CNBD1: variants seen among roughly 807,000 people sequenced by gnomAD.
CNBD1 encodes the protein cyclic nucleotide binding domain containing 1, also known as cyclic nucleotide-binding domain-containing protein 1.
CNBD1 carries 71 observed loss-of-function variants against 54.4 expected under a neutral mutation model. The ratio of observed to expected loss-of-function variants is 1.30; its 90% CI spans 1.08 to 1.59. The LOEUF (loss-of-function observed/expected upper bound fraction) is 1.59, where lower values mean the gene tolerates loss of function less well. CNBD1 is among the 40% of genes most tolerant of loss of function. The probability of loss-of-function intolerance (pLI) is 0.00; values close to 1 mark genes in which losing one functional copy is unlikely to be tolerated. For synonymous variants in CNBD1, 182 were observed against 170.7 expected, an observed-to-expected ratio of 1.07 and a Z score of -0.51; for missense variants, 659 against 518.0, an observed-to-expected ratio of 1.27 and a Z score of -2.64.
rs1326068769 is a variant in CNBD1, at chr8:87,182,963, T to C, written c.432-23030T>C. On this transcript the variant is annotated intron_variant, in intron 4 of 10. Transcript: ENST00000518476. The surrounding 1 kb of genome is among the most constrained non-coding windows in gnomAD (Gnocchi z 4.1). ...ACAATTGCTTTTGGAGACTTTGACATGAAATTTTTGCTAAGTCCTATGTTC... is the reference window on the plus strand; with the variant it reads ...ACAATTGCTTTTGGAGACTTTGACACGAAATTTTTGCTAAGTCCTATGTTC... Among the ~76,000 whole-genome samples the C allele has an allele frequency of 6.6e-6, 1 of 152,192 alleles. No homozygotes were observed. The highest frequency in any genetic ancestry group is 1.5e-5 in the Non-Finnish European group (1 of 68,030).
intron 5 of CNBD1, among the ~76,000 whole-genome samples, chr8:87,221,198 C>A (rs1287648852): frequency 6.6e-6 from 1 of 152,128 alleles, no homozygotes; most frequent in Non-Finnish European, 1.5e-5. Flanking sequence ...AGTCAGCCAT[C>A]TTAAACCAGT....
intron 1 of CNBD1, among the ~76,000 whole-genome samples, chr8:86,878,249 G>T (rs1282908761): frequency 6.6e-6 from 1 of 151,936 alleles, no homozygotes; most frequent in Non-Finnish European, 1.5e-5. Context: ...TTCCCTTAGA[G>T]CATATTGTGC....
intron 10 of CNBD1, among the ~76,000 whole-genome samples, chr8:87,370,748 A>C (rs2130947600): frequency 6.8e-6 from 1 of 147,666 alleles, no homozygotes; most frequent in South Asian, 2.1e-4. Context: ...CCCATTTGTC[A>C]ATTTTGTCTT....
chr8:86,963,936 A>G (rs1808004569), intron 4 of CNBD1, among the ~76,000 whole-genome samples: 1 of 152,162 alleles, frequency 6.6e-6, no homozygotes, highest in African/African-American at 2.4e-5. Flanking sequence ...CCAATGATCT[A>G]CATTTGCAGC....
At position 87,411,511 on chromosome 8, in the gene CNBD1, A is replaced by G. The variant is rs181112989; in HGVS notation, c.214-17035A>G. ...TGCCAAAAGTTGTTGATTCATATCC[A>G]ACCAATTAAGCCATTTCTTGGAAAT... On this transcript the variant is annotated intron_variant, in intron 2 of 7. Transcript: ENST00000521593. Among the ~76,000 whole-genome samples, 76 of 149,184 alleles carry G rather than the reference A, an allele frequency of 5.1e-4. 1 individual carries two copies. The highest frequency in any genetic ancestry group is 1.5e-3 in the African/African-American group (63 of 40,916).
chr8:87,185,790 C>T (rs564608352), intron 4 of CNBD1, among the ~76,000 whole-genome samples: 2 of 151,836 alleles, frequency 1.3e-5, no homozygotes, highest in South Asian at 2.1e-4. Flanking sequence ...ATCTCTGGTG[C>T]TCTCTCTCCC....
At chr8:87,308,746 C>T (rs1286901306) in intron 8 of CNBD1, among the ~76,000 whole-genome samples, 1 of 152,030 alleles carries the variant, frequency 6.6e-6, no homozygotes, top group African/African-American at 2.4e-5. Flanking sequence ...CACCCTCTCC[C>T]CTGACCCTTC....
chr8:87,098,010 G>GA (rs977158362), intron 4 of CNBD1, among the ~76,000 whole-genome samples: 1 of 151,982 alleles, frequency 6.6e-6, no homozygotes, highest in South Asian at 2.1e-4. Flanking sequence ...TTTGCTATAG[G>GA]AAAAAAACAC....
At chr8:87,424,718 G>A (rs1189185842) in intron 2 of CNBD1, among the ~76,000 whole-genome samples, 1 of 152,164 alleles carries the variant, frequency 6.6e-6, no homozygotes, top group East Asian at 1.9e-4. Context: ...TTCCCTTTGA[G>A]GGGAACCTGA....
intron 4 of CNBD1, among the ~76,000 whole-genome samples, chr8:87,162,423 C>A (rs559849144): frequency 6.6e-6 from 1 of 152,132 alleles, no homozygotes; most frequent in East Asian, 1.9e-4. Context: ...CTTTAAGTAT[C>A]TGCATAAGTT....
chr8:86,923,330 C>T (rs1240856321), intron 3 of CNBD1, among the ~76,000 whole-genome samples: 3 of 152,154 alleles, frequency 2.0e-5, no homozygotes, highest in Admixed American at 6.6e-5. Flanking sequence ...GGATGGTCCC[C>T]GCTTGGCCCA....
intron 8 of CNBD1, among the ~76,000 whole-genome samples, chr8:87,342,643 G>A (rs542662738): frequency 1.3e-5 from 2 of 152,088 alleles, no homozygotes; most frequent in Non-Finnish European, 1.5e-5. Flanking sequence ...TTACAGCTGG[G>A]CCTCTGAGGG....
At chr8:87,421,982 T>C (rs1443737821) in intron 2 of CNBD1, among the ~76,000 whole-genome samples, 6 of 150,042 alleles carry the variant, frequency 4.0e-5, no homozygotes, top group Non-Finnish European at 8.8e-5. Flanking sequence ...TGGTATGAGA[T>C]GGTATCTCAT....
chr8:86,905,892 G>C (rs772076479), intron 3 of CNBD1, among the ~76,000 whole-genome samples: 1 of 152,128 alleles, frequency 6.6e-6, no homozygotes, highest in African/African-American at 2.4e-5. Flanking sequence ...TGTTCCTTAA[G>C]TATCTTATAG....
At chr8:87,243,468 C>CCTGACCTT (rs1317992325) in intron 6 of CNBD1, among the ~76,000 whole-genome samples, 82 of 152,216 alleles carry the variant, frequency 5.4e-4, no homozygotes, top group African/African-American at 1.7e-3. Context: ...ATGGGTGCTG[C>CCTGACCTT]CTGACCTTCT....
intron 4 of CNBD1, among the ~76,000 whole-genome samples, chr8:87,008,392 T>G (rs7014453): frequency 5.2e-4 from 79 of 152,336 alleles, no homozygotes; most frequent in Non-Finnish European, 9.6e-4. Flanking sequence ...AGTACTGATT[T>G]TCTCAGATGT....
chr8:87,307,182 G>T (rs1004383079), intron 8 of CNBD1, among the ~76,000 whole-genome samples: 2 of 152,098 alleles, frequency 1.3e-5, no homozygotes, highest in Non-Finnish European at 1.5e-5. Context: ...TAAAATAATT[G>T]TTGTTTTAAC....
intron 3 of CNBD1, among the ~76,000 whole-genome samples, chr8:86,917,168 A>T (rs1465266612): frequency 6.7e-6 from 1 of 148,746 alleles, no homozygotes; most frequent in Non-Finnish European, 1.5e-5. Context: ...GAATATCTAG[A>T]TAGTTATTGA....
intron 10 of CNBD1, among the ~76,000 whole-genome samples, chr8:87,380,465 C>A (rs1482149013): frequency 6.6e-6 from 1 of 151,900 alleles, no homozygotes; most frequent in Non-Finnish European, 1.5e-5. Flanking sequence ...TCTCCAACTT[C>A]ATCCTTCTTT....
Sources: allele counts gnomAD v4.1 joint callset (sites outside exome capture counted in the v4.1 genomes callset), GRCh38; gene constraint gnomAD v4.1.1; non-coding constraint Gnocchi (gnomAD v3.1); transcripts MANE v1.5; gene names NCBI Gene and HGNC (gene_info 2026-07-23, HGNC 2026-07-21).